MAGI1: variants seen among roughly 807,000 people sequenced by gnomAD.
MAGI1 encodes membrane-associated guanylate kinase, WW and PDZ domain-containing protein 1.
MAGI1 carries 58 observed loss-of-function variants against 139.9 expected under a neutral mutation model. That is an observed-to-expected ratio of 0.41 (90% CI 0.34 to 0.52). MAGI1 has a LOEUF of 0.52. MAGI1 is among the 20% of genes least tolerant of loss of function. MAGI1 has a pLI of 0.12. For synonymous variants in MAGI1, 812 were observed against 737.9 expected, an observed-to-expected ratio of 1.10 and a Z score of -1.63; for missense variants, 1,874 against 1,901.6, an observed-to-expected ratio of 0.99 and a Z score of 0.27.
intron 1 of MAGI1, among the ~76,000 whole-genome samples, chr3:66,002,584 C>A (rs1278983664): frequency 6.6e-6 from 1 of 152,086 alleles, no homozygotes; most frequent in African/African-American, 2.4e-5. Context: ...GGCGCGATCT[C>A]GACTCACTGC....
chr3:65,403,076 T>C (rs968522009), intron 12 of MAGI1, among the ~76,000 whole-genome samples: 8 of 152,196 alleles, frequency 5.3e-5, no homozygotes, highest in Admixed American at 2.6e-4. Flanking sequence ...CAAACTCAGA[T>C]AGGCATCCTT....
chr3:65,838,657 T>G (rs1054708529), intron 1 of MAGI1, among the ~76,000 whole-genome samples: 1 of 152,244 alleles, frequency 6.6e-6, no homozygotes, highest in African/African-American at 2.4e-5. Flanking sequence ...ACTTTAGTTG[T>G]TGAACATTAT....
chr3:65,913,809 G>T (rs757757045), intron 1 of MAGI1, among the ~76,000 whole-genome samples: 1 of 152,180 alleles, frequency 6.6e-6, no homozygotes, highest in Admixed American at 6.5e-5. Context: ...GGAACATATC[G>T]TATTTTTTGA....
At chr3:65,448,167 C>G (rs1948790292) in intron 6 of MAGI1, 110 bp from the exon 7 acceptor site, 2 of 929,076 alleles carry the variant, frequency 2.2e-6, no homozygotes, top group African/African-American at 3.2e-5. Flanking sequence ...ACACATCACT[C>G]TAGTTCATCC....
At chr3:65,716,459 G>C (rs1209262678) in intron 1 of MAGI1, among the ~76,000 whole-genome samples, 1 of 152,194 alleles carries the variant, frequency 6.6e-6, no homozygotes, top group African/African-American at 2.4e-5. Flanking sequence ...CAAAAATGAG[G>C]GGAAGGGAAG....
At chr3:65,383,717 T>G (rs1173595786) in intron 14 of MAGI1, 94 bp from the exon 15 acceptor site, 5 of 797,436 alleles carry the variant, frequency 6.3e-6, no homozygotes, top group Non-Finnish European at 1.1e-5. Context: ...AGAATGGTGG[T>G]GCTTGATCAG....
intron 1 of MAGI1, among the ~76,000 whole-genome samples, chr3:65,853,406 T>A (rs890797449): frequency 1.3e-5 from 2 of 152,210 alleles, no homozygotes; most frequent in East Asian, 3.9e-4. Context: ...AAAGATAAGA[T>A]CTTAATTCAT....
chr3:65,526,283 A>G (rs528052977), intron 2 of MAGI1, among the ~76,000 whole-genome samples: 10 of 152,138 alleles, frequency 6.6e-5, no homozygotes, highest in Non-Finnish European at 1.3e-4. Flanking sequence ...AAATTAAGGT[A>G]ACTTGGGAAG....
chr3:65,687,351 G>T, intron 1 of MAGI1: 1 of 258,956 alleles, frequency 3.9e-6, no homozygotes, highest in South Asian at 5.6e-5. Flanking sequence ...GGCTCCAAAA[G>T]AGGCTCAGGA....
chr3:65,838,346 A>G (rs2058697822), intron 1 of MAGI1, among the ~76,000 whole-genome samples: 1 of 151,970 alleles, frequency 6.6e-6, no homozygotes, highest in Non-Finnish European at 1.5e-5. Context: ...AAGATACACA[A>G]ATATTTCATC....
At chr3:65,749,710 TAA>T (rs11328627) in intron 1 of MAGI1, among the ~76,000 whole-genome samples, 105 of 134,786 alleles carry the variant, frequency 7.8e-4, no homozygotes, top group South Asian at 2.0e-3. Context: ...TAGTCTGAGT[TAA>T]AAAAAAAAAA....
Position 66,038,384 on chromosome 3 carries a change from G to A in MAGI1, c.-76C>T, listed in dbSNP as rs1030288417. On this transcript the variant is annotated 5_prime_UTR_variant, in exon 1 of 23. Transcript: ENST00000402939. ...CCACAGCACGAGCCCCCAAGCCTCC[G>A]CTTGTTCATGGGAGAAACATCTCTC... 2.1e-5 allele frequency: 31 copies of A among 1,493,224 alleles called. No individual in the cohort carries two copies. In the Admixed American group the frequency reaches 7.2e-4, roughly 34 times the overall value. 92.5% of individuals were successfully genotyped at this position (1,493,224 alleles called of 1,614,324 possible).
chr3:65,902,526 T>C (rs2061274386), intron 1 of MAGI1: 1 of 152,682 alleles, frequency 6.5e-6, no homozygotes, highest in African/African-American at 2.4e-5. Flanking sequence ...GAAGCACCCC[T>C]GGCCCTCCTA....
At chr3:65,892,915 A>G (rs1379818443) in intron 1 of MAGI1, among the ~76,000 whole-genome samples, 2 of 152,190 alleles carry the variant, frequency 1.3e-5, no homozygotes, top group Non-Finnish European at 2.9e-5. Flanking sequence ...CCAGGGTCAG[A>G]GGCAGAAACA....
chr3:65,746,838 T>C (rs1247785035), intron 1 of MAGI1, among the ~76,000 whole-genome samples: 2 of 152,238 alleles, frequency 1.3e-5, no homozygotes, highest in African/African-American at 2.4e-5. Flanking sequence ...AGCATTTCTC[T>C]GGGCTAGGAA....
chr3:65,509,742 T>G (rs2077483067), intron 2 of MAGI1, among the ~76,000 whole-genome samples: 1 of 151,990 alleles, frequency 6.6e-6, no homozygotes, highest in Non-Finnish European at 1.5e-5. Flanking sequence ...CGCCCGCCAT[T>G]GCCCAGGCTT....
chr3:65,951,061 T>G (rs28623330), intron 1 of MAGI1, among the ~76,000 whole-genome samples: 2,125 of 130,592 alleles, frequency 0.016, 60 homozygotes, highest in African/African-American at 0.051. Flanking sequence ...GGGAGGAAGG[T>G]GGGAGGGAAA....
intron 3 of MAGI1, among the ~76,000 whole-genome samples, chr3:65,488,825 C>T (rs1225635785): frequency 6.6e-6 from 1 of 151,970 alleles, no homozygotes. Flanking sequence ...GTGCACGCCA[C>T]CGTGCCCAGC....
At chr3:65,957,001 CA>C (rs967924028) in intron 1 of MAGI1, among the ~76,000 whole-genome samples, 2 of 151,036 alleles carry the variant, frequency 1.3e-5, no homozygotes, top group South Asian at 2.1e-4. Context: ...GAATCCTTCT[CA>C]AAAAAAATTA....
Sources: allele counts gnomAD v4.1 joint callset (sites outside exome capture counted in the v4.1 genomes callset), GRCh38; gene constraint gnomAD v4.1.1; transcripts MANE v1.5; gene names NCBI Gene and HGNC (gene_info 2026-07-23, HGNC 2026-07-21).